The following INHBC variants were observed in gnomAD, a reference collection of about 807,000 sequenced individuals.
INHBC encodes the protein inhibin subunit beta C, also known as inhibin beta C chain.
In INHBC, 10 loss-of-function variants were observed where a neutral mutation model predicts 12.4. The ratio of observed to expected loss-of-function variants is 0.81; its 90% CI spans 0.50 to 1.37. The LOEUF (loss-of-function observed/expected upper bound fraction) is 1.37, where lower values mean the gene tolerates loss of function less well. INHBC is among the 40% of genes most tolerant of loss of function. The pLI is 0.00. For synonymous variants in INHBC, 147 were observed against 171.6 expected (o/e 0.86, Z 1.12); for missense variants, 382 against 439.4 (o/e 0.87, Z 1.17).
intron 1 of INHBC, among the ~76,000 whole-genome samples, chr12:57,443,168 A>G (rs1171112367): frequency 9.1e-6 from 1 of 109,742 alleles, no homozygotes; most frequent in Non-Finnish European, 1.7e-5. Flanking sequence ...GCCATGCTGG[A>G]GTGCAGTGGT....
chr12:57,445,574 G>A (rs1870555149), intron 1 of INHBC, among the ~76,000 whole-genome samples: 1 of 152,064 alleles, frequency 6.6e-6, no homozygotes, highest in Non-Finnish European at 1.5e-5. Context: ...TTGGACTGGG[G>A]GGATACATTT....
rs1594724625 is a variant in INHBC at position 57,434,841 on chromosome 12, C to T, written c.-46C>T. On this transcript the variant is annotated 5_prime_UTR_variant, in exon 1 of 2. Transcript: ENST00000309668. ...AGAGTTGAGACCACAGCTGTTGAGA[C>T]CCTGAGCCCTGAGTCTGTATTGCTC... The T allele has an allele frequency of 5.2e-6, 8 of 1,544,374 alleles. No individual in the cohort carries two copies. The East Asian group carries it at 1.8e-4, about 35-fold the overall frequency.
chr12:57,439,162 A>G (rs1314242538), intron 1 of INHBC, among the ~76,000 whole-genome samples: 2 of 152,232 alleles, frequency 1.3e-5, no homozygotes, highest in Non-Finnish European at 2.9e-5. Context: ...CGTCCTAAAA[A>G]TACAAGTTCT....
rs1306559500 is a variant in INHBC, at chr12:57,448,526, G to A, written c.314-751G>A. Among the ~76,000 whole-genome samples the A allele has an allele frequency of 4.8e-5, 7 of 145,628 alleles. No individual in the cohort carries two copies. The East Asian group carries it at 1.4e-3, about 29-fold the overall frequency. On this transcript the variant is annotated intron_variant, in intron 1 of 1. Coordinates refer to ENST00000309668, the MANE Select transcript of INHBC (RefSeq NM_005538.4). ...AGAGGTTGCAGTGAGCCAACCTCACGCCACTGCACTCCAGCCTAGGTGACA... is the reference window on the plus strand; with the variant it reads ...AGAGGTTGCAGTGAGCCAACCTCACACCACTGCACTCCAGCCTAGGTGACA...
chr12:57,441,058 C>CAAACA (rs1870452620), intron 1 of INHBC, among the ~76,000 whole-genome samples: 3 of 151,860 alleles, frequency 2.0e-5, no homozygotes, highest in Non-Finnish European at 1.5e-5. Flanking sequence ...AACAAACAAA[C>CAAACA]AAACAAAACA....
Position 57,434,824 on chromosome 12 carries a change from G to T in INHBC, c.-63G>T. The T allele has an allele frequency of 4.1e-6, 6 of 1,479,980 alleles. No individual in the cohort carries two copies. In the South Asian group the frequency reaches 5.1e-5, roughly 13 times the overall value. The allele number at this position is 1,479,980 out of a possible 1,614,324, so 91.7% of individuals were successfully genotyped here. On this transcript the variant is annotated 5_prime_UTR_variant, in exon 1 of 2. Transcript: ENST00000309668. The stretch of plus-strand genomic sequence containing the variant: ...CCTCTGGCAGCCAGGACAGAGTTGA[G>T]ACCACAGCTGTTGAGACCCTGAGCC...
In INHBC at chr12:57,450,054, A is replaced by T. The variant is rs1235314010; in HGVS notation, c.*32A>T. 6.8e-7 allele frequency: 1 copy of T among 1,479,072 alleles called. No homozygotes were observed. The highest frequency in any genetic ancestry group is 2.4e-5 in the Admixed American group (1 of 41,498). 91.6% of individuals were successfully genotyped at this position (1,479,072 alleles called of 1,614,324 possible). ...TGTGGTATGGGCAGCCCAAGGTTGC[A>T]TGGGAAAACACGCCCCTACAGAAGT... is the stretch of plus-strand genomic sequence containing the variant. On this transcript the variant is annotated 3_prime_UTR_variant, in exon 2 of 2. Transcript: ENST00000309668.
chr12:57,437,421 G>A (rs1231223326), intron 1 of INHBC, among the ~76,000 whole-genome samples: 2 of 152,056 alleles, frequency 1.3e-5, no homozygotes, highest in South Asian at 2.1e-4. Flanking sequence ...TGTAATCCTA[G>A]CACTTTGGGA....
At chr12:57,446,575 C>T (rs964424571) in intron 1 of INHBC, among the ~76,000 whole-genome samples, 2 of 151,678 alleles carry the variant, frequency 1.3e-5, no homozygotes, top group African/African-American at 4.9e-5. Flanking sequence ...CTCACTATAG[C>T]CTTGATCTCC....
At chr12:57,448,972 G>A (rs1870646224) in intron 1 of INHBC, among the ~76,000 whole-genome samples, 1 of 152,192 alleles carries the variant, frequency 6.6e-6, no homozygotes, top group African/African-American at 2.4e-5. Context: ...CATGGCAGAA[G>A]GGCAAAGAGA....
Position 57,450,096 on chromosome 12 carries a change from A to C in INHBC, c.*74A>C. 2.1e-6 allele frequency: 3 copies of C among 1,413,838 alleles called. No homozygotes were observed. Among genetic ancestry groups the C allele is most frequent in the Non-Finnish European group, 2.8e-6 (3 of 1,075,678 alleles). The allele number at this position is 1,413,838 out of a possible 1,614,324, so 87.6% of individuals were successfully genotyped here. A position where few individuals can be genotyped will look rare whatever the true frequency, so the allele number is the denominator to read the frequency against. On this transcript the variant is annotated 3_prime_UTR_variant, in exon 2 of 2. Coordinates refer to ENST00000309668, the MANE Select transcript of INHBC (RefSeq NM_005538.4). ...TACAGAAGTGCACTTCCTTGAGAGGAGGGAATGACCTCATTCTCTGTCCAG... is the reference window on the plus strand; with the variant it reads ...TACAGAAGTGCACTTCCTTGAGAGGCGGGAATGACCTCATTCTCTGTCCAG...
At chr12:57,437,220 C>T (rs1200404532) in intron 1 of INHBC, among the ~76,000 whole-genome samples, 1 of 152,040 alleles carries the variant, frequency 6.6e-6, no homozygotes. Context: ...GCCCTCCAGC[C>T]TGGGCAACAG....
At chr12:57,445,373 C>T (rs1351751720) in intron 1 of INHBC, among the ~76,000 whole-genome samples, 1 of 151,750 alleles carries the variant, frequency 6.6e-6, no homozygotes, top group Non-Finnish European at 1.5e-5. Flanking sequence ...ACGAAAGCTA[C>T]AGTTAAAGAA....
intron 1 of INHBC, among the ~76,000 whole-genome samples, chr12:57,440,608 G>A (rs1870443053): frequency 6.6e-6 from 1 of 152,050 alleles, no homozygotes; most frequent in Non-Finnish European, 1.5e-5. Flanking sequence ...TGGGATTACA[G>A]GTGTTAGCCA....
chr12:57,449,286 C>A lies in INHBC; in HGVS notation c.323C>A (p.Thr108Asn). ...IISFAETGLS[T>N]INQTRLDFHF... ...CTTCTTATGTCCACAGGCCTCTCCA[C>A]CATCAACCAGACTCGTCTTGATTTT... is the stretch of plus-strand genomic sequence containing the variant. The change falls in exon 2 of 2, where the codon ACC becomes AAC. Residue 108 changes from threonine (T) to asparagine (N), a missense_variant. Physicochemically the swap from Thr to Asn is moderately conservative, Grantham distance 65. Transcript: ENST00000309668. The A allele has an allele frequency of 1.2e-6, 2 of 1,612,848 alleles. No homozygotes were observed. The highest frequency in any genetic ancestry group is 1.7e-6 in the Non-Finnish European group (2 of 1,179,244).
Position 57,448,567 on chromosome 12 carries a change from TAA to T in INHBC, c.314-688_314-687del, listed in dbSNP as rs10577805. Among the ~76,000 whole-genome samples the T allele has an allele frequency of 3.4e-3, 410 of 121,564 alleles. 4 individuals are homozygous for T. The highest frequency in any genetic ancestry group is 8.9e-3 in the Middle Eastern group (2 of 224). The allele number at this position is 121,564 out of a possible 152,430, so 79.8% of individuals were successfully genotyped here. Reference sequence around the variant, plus strand: ...CTAGGTGACAGAATGAGACTCCGTCTAAAAAAAAAAAAAAAAAAAAAAATTAT... The same window carrying T: ...CTAGGTGACAGAATGAGACTCCGTCTAAAAAAAAAAAAAAAAAAAAATTAT... On this transcript the variant is annotated intron_variant, in intron 1 of 1. Transcript: ENST00000309668.
At chr12:57,443,631 A>G (rs749109370) in intron 1 of INHBC, among the ~76,000 whole-genome samples, 16 of 152,338 alleles carry the variant, frequency 1.1e-4, no homozygotes, top group Middle Eastern at 3.4e-3. Context: ...AGGCCAAATT[A>G]CAATGGGTAT....
chr12:57,447,892 A>AAAAATATAT (rs1555325179), intron 1 of INHBC, among the ~76,000 whole-genome samples: 14 of 19,868 alleles, frequency 7.0e-4, no homozygotes, highest in African/African-American at 1.1e-3. Context: ...AAAAAAAAAA[A>AAAAATATAT]ATATATATAT....
chr12:57,445,689 G>A (rs1594729055), intron 1 of INHBC, among the ~76,000 whole-genome samples: 1 of 144,564 alleles, frequency 6.9e-6, no homozygotes. Context: ...AGGAGTTCAA[G>A]ACCAGTCTGG....
Sources: allele counts gnomAD v4.1 joint callset (sites outside exome capture counted in the v4.1 genomes callset), GRCh38; gene constraint gnomAD v4.1.1; transcripts MANE v1.5; gene names NCBI Gene and HGNC (gene_info 2026-07-23, HGNC 2026-07-21).